Variants in ARK2C observed in about 807,000 individuals in gnomAD.
ARK2C encodes the protein arkadia (RNF111) C-terminal like ring finger ubiquitin ligase 2C, also known as E3 ubiquitin-protein ligase ARK2C.
the ARK2C span, chr18:46,456,735 G>A: frequency 3.6e-6 from 3 of 836,344 alleles, no homozygotes; most frequent in Non-Finnish European, 6.2e-6. Context: ...ATTTGACGTA[G>A]AGGAAAAGCC....
the ARK2C span, among the ~76,000 whole-genome samples, chr18:46,425,505 C>G: frequency 1.3e-5 from 2 of 152,226 alleles, no homozygotes; most frequent in African/African-American, 4.8e-5. Context: ...GGCAGTGCCT[C>G]TCAGCCCTGG....
At chr18:46,348,781 C>T in the ARK2C span, among the ~76,000 whole-genome samples, 62 of 152,140 alleles carry the variant, frequency 4.1e-4, no homozygotes, top group African/African-American at 1.4e-3. Flanking sequence ...CTTGGAGAGT[C>T]GGTGTGCGTA....
chr18:46,387,080 T>A, the ARK2C span: 1 of 152,186 alleles, frequency 6.6e-6, no homozygotes, highest in East Asian at 1.9e-4. Flanking sequence ...CTGAGGAGAG[T>A]GCGCCAGGCC....
the ARK2C span, among the ~76,000 whole-genome samples, chr18:46,357,532 C>T: frequency 6.6e-6 from 1 of 152,198 alleles, no homozygotes; most frequent in Non-Finnish European, 1.5e-5. Flanking sequence ...ATTTCTTGAA[C>T]TCCTTTGCAG....
chr18:46,345,048 G>A, the ARK2C span, among the ~76,000 whole-genome samples: 3 of 150,422 alleles, frequency 2.0e-5, no homozygotes, highest in South Asian at 4.1e-4. Context: ...CTCCTGCCTC[G>A]CTCCTTCTGG....
At chr18:46,435,386 G>A in the ARK2C span, 3 of 1,613,470 alleles carry the variant, frequency 1.9e-6, no homozygotes, top group East Asian at 4.5e-5. Context: ...TTTGGCTGAG[G>A]GCACTGACTG....
chr18:46,393,355 C>T, the ARK2C span, among the ~76,000 whole-genome samples: 5,905 of 152,188 alleles, frequency 0.039, 374 homozygotes, highest in African/African-American at 0.14. Context: ...CTGGCCAGGC[C>T]CTGCCTGACA....
chr18:46,404,323 C>G, the ARK2C span, among the ~76,000 whole-genome samples: 4 of 152,082 alleles, frequency 2.6e-5, no homozygotes, highest in African/African-American at 9.7e-5. Context: ...GAATTATTCC[C>G]AAGTAATTTT....
At chr18:46,356,690 G>A in the ARK2C span, among the ~76,000 whole-genome samples, 403 of 152,234 alleles carry the variant, frequency 2.6e-3, 2 homozygotes, top group African/African-American at 9.3e-3. Context: ...GGTTGAGAGG[G>A]TGCCTGGGGC....
chr18:46,440,671 C>G, the ARK2C span, among the ~76,000 whole-genome samples: 1 of 152,228 alleles, frequency 6.6e-6, no homozygotes, highest in Non-Finnish European at 1.5e-5. Context: ...TTACTATAAT[C>G]AAATATCTAG....
chr18:46,372,684 G>A, the ARK2C span, among the ~76,000 whole-genome samples: 941 of 152,316 alleles, frequency 6.2e-3, 12 homozygotes, highest in African/African-American at 0.021. Flanking sequence ...GCAGGAGGAG[G>A]GAGCTGAGCC....
the ARK2C span, among the ~76,000 whole-genome samples, chr18:46,406,658 G>C: frequency 6.6e-6 from 1 of 152,238 alleles, no homozygotes; most frequent in African/African-American, 2.4e-5. Flanking sequence ...AGTGTGCCCT[G>C]GCTGACAAGT....
the ARK2C span, among the ~76,000 whole-genome samples, chr18:46,365,195 G>GA: frequency 6.6e-6 from 1 of 152,224 alleles, no homozygotes; most frequent in African/African-American, 2.4e-5. Flanking sequence ...GGCTGAAGGG[G>GA]AGGGGGTATG....
At chr18:46,420,477 A>T in the ARK2C span, among the ~76,000 whole-genome samples, 1 of 152,108 alleles carries the variant, frequency 6.6e-6, no homozygotes, top group Non-Finnish European at 1.5e-5. Flanking sequence ...TGGCTTTCTG[A>T]ACTGGGTCCC....
the ARK2C span, among the ~76,000 whole-genome samples, chr18:46,454,056 TG>T: frequency 7.8e-6 from 1 of 128,548 alleles, no homozygotes; most frequent in African/African-American, 3.1e-5. Context: ...AAGCCTGCAG[TG>T]AGCCGTGATT....
At chr18:46,446,840 G>T in the ARK2C span, among the ~76,000 whole-genome samples, 5 of 151,962 alleles carry the variant, frequency 3.3e-5, no homozygotes, top group African/African-American at 1.2e-4. Flanking sequence ...TTGTCAACCT[G>T]CACATTGTCC....
At chr18:46,433,149 G>A in the ARK2C span, 3 of 1,490,980 alleles carry the variant, frequency 2.0e-6, no homozygotes, top group Non-Finnish European at 2.7e-6. Context: ...GCGGCCGCTC[G>A]TGCTGGTCGT....
At chr18:46,456,689 C>G in the ARK2C span, 17 of 1,294,970 alleles carry the variant, frequency 1.3e-5, no homozygotes, top group Non-Finnish European at 1.8e-5. Flanking sequence ...CCCCCCACGG[C>G]CATAGCCCTT....
the ARK2C span, among the ~76,000 whole-genome samples, chr18:46,429,181 T>C: frequency 6.6e-6 from 1 of 152,254 alleles, no homozygotes; most frequent in African/African-American, 2.4e-5. Flanking sequence ...AAGTTCTAGA[T>C]AATTCTTTTC....
Sources: allele counts gnomAD v4.1 joint callset (sites outside exome capture counted in the v4.1 genomes callset), GRCh38; gene constraint gnomAD v4.1.1; transcripts MANE v1.5; gene names NCBI Gene and HGNC (gene_info 2026-07-23, HGNC 2026-07-21).